Variants in ADK observed in about 807,000 individuals in gnomAD.
ADK encodes adenosine kinase.
In ADK, 24 loss-of-function variants were observed where a neutral mutation model predicts 44.7. The observed-to-expected ratio is 0.54, with a 90% CI of 0.39 to 0.76. The LOEUF (loss-of-function observed/expected upper bound fraction) is 0.76, where lower values mean the gene tolerates loss of function less well. ADK is among the 30% of genes least tolerant of loss of function. The probability of loss-of-function intolerance (pLI) is 0.00; values close to 1 mark genes in which losing one functional copy is unlikely to be tolerated. For missense variants in ADK, 321 were observed against 425.1 expected (o/e 0.76, Z 2.15); for synonymous variants, 128 against 142.6 (o/e 0.90, Z 0.73).
chr10:74,624,995 T>G (rs1267809349), intron 9 of ADK, among the ~76,000 whole-genome samples: 1 of 152,086 alleles, frequency 6.6e-6, no homozygotes. Context: ...GGCAAGATAC[T>G]TATAGATAAT....
intron 2 of ADK, among the ~76,000 whole-genome samples, chr10:74,206,619 T>C (rs1843606819): frequency 6.6e-6 from 1 of 152,220 alleles, no homozygotes; most frequent in South Asian, 2.1e-4. Flanking sequence ...TATGATTAGC[T>C]TTCACACATA....
At chr10:74,517,606 C>CCT (rs1281084956) in intron 6 of ADK, among the ~76,000 whole-genome samples, 1 of 151,424 alleles carries the variant, frequency 6.6e-6, no homozygotes, top group Non-Finnish European at 1.5e-5. Flanking sequence ...GGAGGATCAC[C>CCT]TGAGCCCAGG....
chr10:74,197,703 AAAAAAAAG>A (rs1303040305), intron 1 of ADK, among the ~76,000 whole-genome samples: 11 of 81,780 alleles, frequency 1.3e-4, no homozygotes, highest in African/African-American at 3.9e-4. Context: ...GTCTAAAAAA[AAAAAAAAG>A]AAAAAAAAAA....
chr10:74,680,146 C>A (rs778977211), intron 10 of ADK, among the ~76,000 whole-genome samples: 7 of 151,876 alleles, frequency 4.6e-5, no homozygotes, highest in Non-Finnish European at 1.0e-4. Context: ...AACCCCGTCT[C>A]TACTAAAAAT....
chr10:74,692,436 G>A lies in ADK; in HGVS notation c.965-15885G>A, dbSNP rs531300753. Among the ~76,000 whole-genome samples, 374 of 152,262 alleles carry A rather than the reference G, an allele frequency of 2.5e-3. 4 individuals carry two copies. Among genetic ancestry groups the A allele is most frequent in the Middle Eastern group, 0.01 (3 of 294 alleles). ...GAAGGTTGCAGTGAGCTGAGATCGT[G>A]CCATTGCTCTCCAGCCTGGGCAACA... is the stretch of plus-strand genomic sequence containing the variant. On this transcript the variant is annotated intron_variant, in intron 10 of 10. Coordinates refer to ENST00000539909, the MANE Select transcript of ADK (RefSeq NM_006721.4).
At chr10:74,511,860 G>C (rs1399956847) in intron 6 of ADK, among the ~76,000 whole-genome samples, 1 of 152,090 alleles carries the variant, frequency 6.6e-6, no homozygotes, top group Admixed American at 6.5e-5. Context: ...GGTGAGAGAG[G>C]GCATCATTGT....
chr10:74,614,416 C>T (rs1320978196), intron 9 of ADK, among the ~76,000 whole-genome samples: 1 of 152,092 alleles, frequency 6.6e-6, no homozygotes, highest in African/African-American at 2.4e-5. Flanking sequence ...CCACCTTGTA[C>T]AGTTTGTATT....
At chr10:74,459,965 C>A (rs551092210) in intron 6 of ADK, among the ~76,000 whole-genome samples, 2 of 151,866 alleles carry the variant, frequency 1.3e-5, no homozygotes, top group East Asian at 3.9e-4. Context: ...TTTTTTGCTT[C>A]CCTGTAAGGG....
intron 9 of ADK, among the ~76,000 whole-genome samples, chr10:74,631,647 AC>A (rs1018720154): frequency 2.2e-4 from 33 of 152,114 alleles, no homozygotes; most frequent in African/African-American, 7.7e-4. Context: ...TAGAGCTGTT[AC>A]CCCAGCTCTG....
intron 3 of ADK, among the ~76,000 whole-genome samples, chr10:74,255,931 T>G (rs185490560): frequency 2.6e-5 from 4 of 152,306 alleles, no homozygotes; most frequent in South Asian, 4.1e-4. Context: ...TAAATAATAG[T>G]GTCTGCCTTT....
intron 10 of ADK, among the ~76,000 whole-genome samples, chr10:74,701,699 C>T (rs1589382039): frequency 6.6e-6 from 1 of 152,204 alleles, no homozygotes; most frequent in Admixed American, 6.5e-5. Context: ...AATCCCAGCA[C>T]TTTGGGAGGC....
intron 8 of ADK, among the ~76,000 whole-genome samples, chr10:74,597,934 A>AT (rs770396441): frequency 6.6e-6 from 1 of 152,086 alleles, no homozygotes; most frequent in Non-Finnish European, 1.5e-5. Flanking sequence ...TAACATTATG[A>AT]TTTTTCCTTT....
intron 7 of ADK, among the ~76,000 whole-genome samples, chr10:74,581,954 C>T (rs1851387185): frequency 6.6e-6 from 1 of 152,116 alleles, no homozygotes; most frequent in South Asian, 2.1e-4. Flanking sequence ...GCTGTATGGC[C>T]TTGGACATAC....
chr10:74,395,810 G>A (rs745843148), intron 5 of ADK, among the ~76,000 whole-genome samples: 1 of 152,210 alleles, frequency 6.6e-6, no homozygotes, highest in Non-Finnish European at 1.5e-5. Context: ...CCTGAGGTCA[G>A]GAGTTCGAGA....
At chr10:74,276,345 A>T (rs1323355835) in intron 3 of ADK, among the ~76,000 whole-genome samples, 1 of 152,148 alleles carries the variant, frequency 6.6e-6, no homozygotes, top group Non-Finnish European at 1.5e-5. Context: ...CCTTTCTACT[A>T]CGTAGCTTCT....
chr10:74,304,103 GTTAA>G (rs781667460), intron 3 of ADK, among the ~76,000 whole-genome samples: 6 of 152,130 alleles, frequency 3.9e-5, no homozygotes, highest in Non-Finnish European at 5.9e-5. Context: ...GTAACATTTG[GTTAA>G]TTGTTTAGTG....
At chr10:74,275,932 T>C (rs963221195) in intron 3 of ADK, among the ~76,000 whole-genome samples, 1 of 152,156 alleles carries the variant, frequency 6.6e-6, no homozygotes, top group Non-Finnish European at 1.5e-5. Flanking sequence ...TGAACCACTG[T>C]ACCCAGCCCT....
chr10:74,322,361 C>G (rs1307489027), intron 4 of ADK, among the ~76,000 whole-genome samples: 1 of 152,138 alleles, frequency 6.6e-6, no homozygotes, highest in Non-Finnish European at 1.5e-5. Flanking sequence ...CTCGTCAATT[C>G]TTTGTGTCAT....
chr10:74,545,024 A>T (rs1849777478), intron 7 of ADK, among the ~76,000 whole-genome samples: 1 of 152,032 alleles, frequency 6.6e-6, no homozygotes, highest in Non-Finnish European at 1.5e-5. Flanking sequence ...TAAAGCGAAC[A>T]ATTGGGGTTT....
Sources: allele counts gnomAD v4.1 joint callset (sites outside exome capture counted in the v4.1 genomes callset), GRCh38; gene constraint gnomAD v4.1.1; transcripts MANE v1.5; gene names NCBI Gene and HGNC (gene_info 2026-07-23, HGNC 2026-07-21).